BRCA1: variants seen among roughly 807,000 people sequenced by gnomAD.
The protein encoded by BRCA1 is BRCA1 DNA repair associated.
BRCA1 carries 140 observed loss-of-function variants against 173.7 expected under a neutral mutation model. That is an observed-to-expected ratio of 0.81 (90% confidence interval 0.70 to 0.93). The LOEUF is 0.93. Ranked by LOEUF, BRCA1 falls within the 40% of genes least tolerant of loss-of-function variation. The pLI, the probability that BRCA1 is intolerant of heterozygous loss-of-function variation, is 0.00. For synonymous variants in BRCA1, 662 were observed against 756.0 expected (o/e 0.88, Z 2.04); for missense variants, 1,983 against 2,172.5 (o/e 0.91, Z 1.73).
At chr17:43,102,697 C>T (rs947755399) in intron 6 of BRCA1, among the ~76,000 whole-genome samples, 2 of 151,246 alleles carry the variant, frequency 1.3e-5, no homozygotes, top group African/African-American at 2.4e-5. Flanking sequence ...TTGCCGCCCA[C>T]GCTGAAGTGC....
intron 1 of BRCA1, among the ~76,000 whole-genome samples, chr17:43,150,910 C>T (rs1358872048): frequency 2.0e-5 from 3 of 152,098 alleles, no homozygotes; most frequent in Non-Finnish European, 4.4e-5. Context: ...CCAGGCAAAC[C>T]AAGTGGTTTG....
chr17:43,087,863 C>T (rs1023208829), intron 11 of BRCA1, among the ~76,000 whole-genome samples: 1 of 151,764 alleles, frequency 6.6e-6, no homozygotes, highest in Non-Finnish European at 1.5e-5. Context: ...ACTCAAGTAG[C>T]TGAGACTACA....
At chr17:43,101,465 G>A (rs1158141909) in intron 6 of BRCA1, among the ~76,000 whole-genome samples, 1 of 152,018 alleles carries the variant, frequency 6.6e-6, no homozygotes, top group Non-Finnish European at 1.5e-5. Context: ...AAAGTGCTGG[G>A]ATTACAGGCA....
At chr17:43,162,132 A>G (rs1198816226) in intron 1 of BRCA1, 2 of 152,324 alleles carry the variant, frequency 1.3e-5, no homozygotes, top group East Asian at 3.9e-4. Flanking sequence ...CCCTTAGCAC[A>G]GGAAGGGCCA....
At chr17:43,082,330 T>C in intron 12 of BRCA1, 74 bp downstream of exon 12, 1 of 1,496,436 alleles carries the variant, frequency 6.7e-7, no homozygotes, top group Non-Finnish European at 9.2e-7. Flanking sequence ...GCTAGGTCCT[T>C]ACTCTTCAGA....
intron 3 of BRCA1, chr17:43,110,531 A>G (rs1832659704): frequency 9.0e-6 from 4 of 444,618 alleles, no homozygotes; most frequent in South Asian, 6.3e-5. Flanking sequence ...GGCAACAGTA[A>G]GCCTCATGAT....
chr17:43,090,920 T>C lies in BRCA1; in HGVS notation c.4185+24A>G, dbSNP rs763074389. ...GCAAAGGACACCACACACACGCATG[T>C]GCACACACACACACGCTTTTTACCT... is the stretch of plus-strand genomic sequence containing the variant. On this transcript the variant is annotated intron_variant, in intron 11 of 22. Coordinates refer to ENST00000357654, the MANE Select transcript of BRCA1 (RefSeq NM_007294.4). 20 of 1,587,824 alleles carry C rather than the reference T, an allele frequency of 1.3e-5. No homozygotes were observed. The South Asian group carries it at 2.3e-4, about 18-fold the overall frequency.
chr17:43,145,068 A>G, intron 1 of BRCA1: 6 of 813,746 alleles, frequency 7.4e-6, no homozygotes, highest in African/African-American at 1.7e-5. Context: ...AAGCCGAAAA[A>G]GGCAGCAGCG....
intron 15 of BRCA1, among the ~76,000 whole-genome samples, chr17:43,068,074 G>A (rs535469002): frequency 1.3e-5 from 2 of 151,400 alleles, no homozygotes; most frequent in South Asian, 2.1e-4. Context: ...TCAGGAGATC[G>A]AGACCATCCT....
At chr17:43,158,139 T>C (rs991912766) in intron 1 of BRCA1, among the ~76,000 whole-genome samples, 1 of 152,254 alleles carries the variant, frequency 6.6e-6, no homozygotes, top group Non-Finnish European at 1.5e-5. Context: ...ATCTGAGTTT[T>C]TAATTGATGG....
intron 6 of BRCA1, among the ~76,000 whole-genome samples, chr17:43,100,671 TATATATAATA>T (rs1341416323): frequency 2.3e-4 from 6 of 25,974 alleles, no homozygotes; most frequent in African/African-American, 1.0e-3. Flanking sequence ...TATATATATA[TATATATAATA>T]TATATATATA....
intron 1 of BRCA1, among the ~76,000 whole-genome samples, chr17:43,146,515 A>G (rs1470927904): frequency 2.0e-5 from 3 of 151,638 alleles, no homozygotes; most frequent in Non-Finnish European, 4.4e-5. Flanking sequence ...TCACTGTATT[A>G]GCCAGGATGG....
At chr17:43,048,245 C>T (rs574255756) in intron 21 of BRCA1, among the ~76,000 whole-genome samples, 2 of 152,256 alleles carry the variant, frequency 1.3e-5, no homozygotes, top group East Asian at 1.9e-4. Flanking sequence ...CTCTGTCGCC[C>T]GGGCTGGAGT....
At chr17:43,095,973 A>G in intron 8 of BRCA1, 51 bp from the exon 9 acceptor site, 1 of 1,429,652 alleles carries the variant, frequency 7.0e-7, no homozygotes, top group Non-Finnish European at 9.8e-7. Context: ...ACATGTATGC[A>G]GAACTGTCAA....
chr17:43,099,080 C>G (rs799921), intron 7 of BRCA1, among the ~76,000 whole-genome samples: 11 of 151,636 alleles, frequency 7.3e-5, no homozygotes, highest in South Asian at 2.1e-4. Flanking sequence ...ACCTCGGCCT[C>G]CCAAAGTGCT....
chr17:43,058,690 C>T (rs1304039635), intron 18 of BRCA1, among the ~76,000 whole-genome samples: 2 of 152,200 alleles, frequency 1.3e-5, no homozygotes, highest in African/African-American at 4.8e-5. Context: ...AATTCCCTAT[C>T]TCCTAAATCA....
intron 1 of BRCA1, among the ~76,000 whole-genome samples, chr17:43,158,344 A>G (rs565213857): frequency 1.3e-5 from 2 of 152,262 alleles, no homozygotes; most frequent in South Asian, 2.1e-4. Flanking sequence ...CTGATTTTCA[A>G]TGAATTGATA....
At chr17:43,157,715 A>C (rs2056206347) in intron 1 of BRCA1, among the ~76,000 whole-genome samples, 1 of 144,294 alleles carries the variant, frequency 6.9e-6, no homozygotes, top group African/African-American at 2.6e-5. Context: ...AATTAAAAAA[A>C]TCTGGGCGCA....
chr17:43,169,284 T>G (rs1482087722), intron 1 of BRCA1, among the ~76,000 whole-genome samples: 1 of 152,116 alleles, frequency 6.6e-6, no homozygotes, highest in Non-Finnish European at 1.5e-5. Flanking sequence ...GTTCAAGCGA[T>G]TCTCCTGCCT....
Sources: allele counts gnomAD v4.1 joint callset (sites outside exome capture counted in the v4.1 genomes callset), GRCh38; gene constraint gnomAD v4.1.1; transcripts MANE v1.5; gene names NCBI Gene and HGNC (gene_info 2026-07-23, HGNC 2026-07-21).